The following GREB1L variants were observed in gnomAD, a reference collection of about 807,000 sequenced individuals.
The protein encoded by GREB1L is GREB1-like protein.
Under a neutral mutation model 200.8 loss-of-function variants are expected in GREB1L, and 17 were observed. The ratio of observed to expected loss-of-function variants is 0.08; its 90% CI spans 0.06 to 0.13. GREB1L has a LOEUF of 0.13. Among genes scored for constraint, GREB1L ranks in the 10% least tolerant of loss-of-function variants. GREB1L has a pLI of 1.00. For missense variants in GREB1L, 1,657 were observed against 2,367.7 expected (o/e 0.70, Z 6.23); for synonymous variants, 789 against 893.0 (o/e 0.88, Z 2.08).
At chr18:21,407,488 T>C (rs1463410189) in intron 7 of GREB1L, among the ~76,000 whole-genome samples, 1 of 152,220 alleles carries the variant, frequency 6.6e-6, no homozygotes, top group African/African-American at 2.4e-5. Context: ...CAACTTTTCA[T>C]GTGTGGATAT....
At chr18:21,466,252 G>A (rs536913393) in intron 15 of GREB1L, among the ~76,000 whole-genome samples, 4 of 152,086 alleles carry the variant, frequency 2.6e-5, no homozygotes, top group African/African-American at 7.2e-5. Context: ...AAACAGTGCT[G>A]GTACACATAT....
intron 18 of GREB1L, among the ~76,000 whole-genome samples, chr18:21,488,744 C>T (rs1309811040): frequency 2.0e-5 from 3 of 152,178 alleles, no homozygotes; most frequent in Non-Finnish European, 4.4e-5. Flanking sequence ...GTAACCTCCA[C>T]CTCCCAGGTT....
intron 27 of GREB1L, among the ~76,000 whole-genome samples, chr18:21,509,554 T>G (rs1217969243): frequency 6.6e-6 from 1 of 152,238 alleles, no homozygotes; most frequent in Non-Finnish European, 1.5e-5. Flanking sequence ...TTCATGTCCT[T>G]CAACTTCAAA....
intron 1 of GREB1L, among the ~76,000 whole-genome samples, chr18:21,289,165 A>G (rs1023420806): frequency 2.0e-5 from 3 of 152,230 alleles, no homozygotes; most frequent in African/African-American, 7.2e-5. Flanking sequence ...ACTCTGACTT[A>G]CTGAAAGGAA....
intron 15 of GREB1L, among the ~76,000 whole-genome samples, chr18:21,459,988 G>A (rs2034970386): frequency 1.3e-5 from 2 of 152,136 alleles, no homozygotes; most frequent in Admixed American, 1.3e-4. Context: ...ATGACTGCCC[G>A]CCTCGTCATA....
intron 7 of GREB1L, among the ~76,000 whole-genome samples, chr18:21,412,246 CA>C (rs61626271): frequency 2.0e-5 from 3 of 147,478 alleles, no homozygotes; most frequent in South Asian, 2.2e-4. Context: ...ACAAAAAATA[CA>C]AAAAAAAAAT....
rs775461923 is a variant in GREB1L at position 21,508,164 on chromosome 18, T to G, written c.4415T>G (p.Leu1472Arg). The G allele has an allele frequency of 4.5e-6, 7 of 1,551,552 alleles. No individual in the cohort carries two copies. Among genetic ancestry groups the G allele is most frequent in the African/African-American group, 1.4e-5 (1 of 73,046 alleles). Residue 1472 changes from leucine (L) to arginine (R), a missense_variant, in exon 26 of 33, where the codon CTG becomes CGG. By Grantham distance (102) the Leu-to-Arg change is moderately radical. Around this residue, in one of 9 missense-constraint regions of GREB1L, gnomAD observed 512 missense variants for 668.3 expected, o/e 0.77. Transcript: ENST00000424526. ...GCCTTCACATTCTCTTCTTCTATGC[T>G]GGGAGAAGAGGTTCAGCTCTATTTC... The part of the protein sequence containing the change: ...LHAFTFSSSM[L>R]GEEVQLYFII...
Position 21,508,285 on chromosome 18 carries a change from T to TGA in GREB1L, c.4530+10_4530+11dup, listed in dbSNP as rs1055657356. On this transcript the variant is annotated splice_region_variant and intron_variant, in intron 26 of 32. Coordinates refer to ENST00000424526, the MANE Select transcript of GREB1L (RefSeq NM_001142966.3). ...TGCCCCTGGTTTCAGACAAGGTGGG[T>TGA]GAGAGCATCTGGACTGGCAGGCACC... 9.7e-6 allele frequency: 15 copies of TGA among 1,551,498 alleles called. No individual in the cohort carries two copies. The highest frequency in any genetic ancestry group is 1.3e-5 in the Non-Finnish European group (15 of 1,147,020).
At chr18:21,432,097 G>C (rs1355121734) in intron 7 of GREB1L, among the ~76,000 whole-genome samples, 1 of 151,426 alleles carries the variant, frequency 6.6e-6, no homozygotes, top group Admixed American at 6.6e-5. Flanking sequence ...TAATTTTTTT[G>C]TATTTTTAGT....
Position 21,449,685 on chromosome 18 carries a change from T to C in GREB1L, c.1569T>C (p.His523=). The change falls in exon 12 of 33, where the codon CAT becomes CAC. Residue 523 remains histidine (H), a synonymous_variant. Transcript: ENST00000424526. ...LIASVSQDLV[H]VVVTQNSLAE... ...CCAGCGTATCTCAAGACTTGGTTCATGTGGTTGTGACCCAGAACTCTTTGG... is the reference window on the plus strand; with the variant it reads ...CCAGCGTATCTCAAGACTTGGTTCACGTGGTTGTGACCCAGAACTCTTTGG... 4 of 1,551,730 alleles carry C rather than the reference T, an allele frequency of 2.6e-6. No homozygotes were observed. Among genetic ancestry groups the C allele is most frequent in the Non-Finnish European group, 3.5e-6 (4 of 1,146,992 alleles).
chr18:21,492,151 C>G, intron 19 of GREB1L, among the ~76,000 whole-genome samples: 1 of 151,854 alleles, frequency 6.6e-6, no homozygotes, highest in East Asian at 1.9e-4. Context: ...TCAAGACCAC[C>G]CTGGCTAACA....
intron 15 of GREB1L, among the ~76,000 whole-genome samples, chr18:21,467,145 T>C (rs1252347558): frequency 2.0e-5 from 3 of 152,206 alleles, no homozygotes; most frequent in Non-Finnish European, 2.9e-5. Flanking sequence ...AATTACAAAA[T>C]TCTTAGAAGA....
chr18:21,521,286 G>A (rs543842771), intron 32 of GREB1L, among the ~76,000 whole-genome samples: 10 of 151,716 alleles, frequency 6.6e-5, no homozygotes, highest in Non-Finnish European at 1.3e-4. Flanking sequence ...CGGGAGAATC[G>A]CTTAAACCCG....
At chr18:21,457,155 AATT>A (rs1376066825) in intron 15 of GREB1L, among the ~76,000 whole-genome samples, 15 of 152,272 alleles carry the variant, frequency 9.9e-5, no homozygotes, top group Admixed American at 6.5e-4. Context: ...CAGATGAATA[AATT>A]GTGCAGGTTT....
At chr18:21,407,570 A>G (rs1325731157) in intron 7 of GREB1L, among the ~76,000 whole-genome samples, 1 of 152,214 alleles carries the variant, frequency 6.6e-6, no homozygotes, top group Non-Finnish European at 1.5e-5. Flanking sequence ...AAATGACTCT[A>G]AATATAAGGA....
chr18:21,346,752 G>A (rs1274688260), intron 1 of GREB1L, among the ~76,000 whole-genome samples: 1 of 152,154 alleles, frequency 6.6e-6, no homozygotes, highest in Non-Finnish European at 1.5e-5. Flanking sequence ...AAGCATCTCT[G>A]CTATCATCAG....
chr18:21,390,826 C>T (rs1293159617), intron 4 of GREB1L, among the ~76,000 whole-genome samples: 4 of 151,786 alleles, frequency 2.6e-5, no homozygotes, highest in East Asian at 1.9e-4. Context: ...TGAGCCACCG[C>T]GCCAGGCCAA....
chr18:21,381,752 T>G (rs1257275539), intron 2 of GREB1L, among the ~76,000 whole-genome samples: 1 of 152,208 alleles, frequency 6.6e-6, no homozygotes, highest in Non-Finnish European at 1.5e-5. Flanking sequence ...CTGACCCATT[T>G]CTAGCCAGAG....
intron 15 of GREB1L, among the ~76,000 whole-genome samples, chr18:21,456,186 A>G (rs1480905337): frequency 1.3e-5 from 2 of 152,138 alleles, no homozygotes; most frequent in Non-Finnish European, 2.9e-5. Context: ...GATTACAGGC[A>G]TAAGCCACCA....
Sources: gnomAD v4.1 joint callset for allele counts (sites outside exome capture counted in the v4.1 genomes callset) on GRCh38, gnomAD v4.1.1 for gene constraint, gnomAD v4.1.1 regional missense constraint, MANE v1.5 for transcripts, NCBI Gene and HGNC (gene_info 2026-07-23, HGNC 2026-07-21) for gene names.